The following MDGA2 variants were observed in gnomAD, a reference collection of about 807,000 sequenced individuals.
MDGA2 encodes MAM domain-containing glycosylphosphatidylinositol anchor protein 2.
Under a neutral mutation model 117.8 loss-of-function variants are expected in MDGA2, and 40 were observed. The ratio of observed to expected loss-of-function variants is 0.34; its 90% CI spans 0.26 to 0.44. The LOEUF is 0.44. Ranked by LOEUF, MDGA2 falls within the 20% of genes least tolerant of loss-of-function variation. MDGA2 has a pLI of 1.00. For missense variants in MDGA2, 1,123 were observed against 1,250.6 expected, an observed-to-expected ratio of 0.90 and a Z score of 1.54; for synonymous variants, 452 against 439.0, an observed-to-expected ratio of 1.03 and a Z score of -0.37.
chr14:47,366,848 TTA>T, intron 1 of MDGA2, among the ~76,000 whole-genome samples: 1 of 115,982 alleles, frequency 8.6e-6, no homozygotes, highest in Non-Finnish European at 1.9e-5. Context: ...ACCTTAAAGA[TTA>T]TGTTTGATAC....
intron 3 of MDGA2, among the ~76,000 whole-genome samples, chr14:47,203,753 T>C (rs1198507131): frequency 6.6e-6 from 1 of 151,990 alleles, no homozygotes; most frequent in Non-Finnish European, 1.5e-5. Flanking sequence ...CTAGTTTTGA[T>C]TCAAGAGATC....
At chr14:47,185,593 A>C (rs1254488976) in intron 3 of MDGA2, among the ~76,000 whole-genome samples, 1 of 151,616 alleles carries the variant, frequency 6.6e-6, no homozygotes, top group Non-Finnish European at 1.5e-5. Flanking sequence ...AAACTGTAAA[A>C]AGAAACATGT....
rs1022726663 is a variant in MDGA2 at position 47,207,101 on chromosome 14, T to G, written c.595+10920A>C. On this transcript the variant is annotated intron_variant, in intron 3 of 16. Transcript: ENST00000399232. ...CCTAAGTTTGTCACTGAGTTGTTCA[T>G]TTGGACATAGTTACAGTAAATAATG... Among the ~76,000 whole-genome samples the G allele has an allele frequency of 5.3e-5, 8 of 152,114 alleles. No homozygotes were observed. In the South Asian group the frequency reaches 1.5e-3, roughly 28 times the overall value.
At chr14:47,181,018 G>A (rs1884681901) in intron 3 of MDGA2, among the ~76,000 whole-genome samples, 3 of 152,078 alleles carry the variant, frequency 2.0e-5, no homozygotes, top group Admixed American at 2.0e-4. Context: ...TGGTAGTAGT[G>A]TAAGTAAGTT....
intron 2 of MDGA2, among the ~76,000 whole-genome samples, chr14:47,248,493 G>A (rs1273863868): frequency 6.6e-6 from 1 of 151,464 alleles, no homozygotes; most frequent in Non-Finnish European, 1.5e-5. Context: ...TTTAGACAGG[G>A]CAAAGCTAAA....
At chr14:47,165,643 C>T (rs567633660) in intron 3 of MDGA2, among the ~76,000 whole-genome samples, 2 of 152,298 alleles carry the variant, frequency 1.3e-5, no homozygotes, top group Admixed American at 1.3e-4. Context: ...CCACTCTGAG[C>T]TGCTTATATA....
chr14:47,490,198 A>G (rs1030155496), intron 1 of MDGA2, among the ~76,000 whole-genome samples: 2 of 152,052 alleles, frequency 1.3e-5, no homozygotes, highest in African/African-American at 4.8e-5. Flanking sequence ...TAGCTCATAT[A>G]AAGTATTTTT....
chr14:47,377,404 A>AGG (rs1332146020), intron 1 of MDGA2, among the ~76,000 whole-genome samples: 1 of 152,132 alleles, frequency 6.6e-6, no homozygotes, highest in African/African-American at 2.4e-5. Context: ...GAGCCGAAGC[A>AGG]GGGTGGGGCA....
At chr14:47,134,519 ATTGTGCTTTTAGGT>A (rs1882358228) in intron 4 of MDGA2, among the ~76,000 whole-genome samples, 2 of 151,970 alleles carry the variant, frequency 1.3e-5, no homozygotes, top group African/African-American at 2.4e-5. Context: ...ATTTATCTAG[ATTGTGCTTTTAGGT>A]TTGGAAGGAA....
intron 8 of MDGA2, among the ~76,000 whole-genome samples, chr14:47,026,514 G>T (rs1454649339): frequency 6.6e-6 from 1 of 151,488 alleles, no homozygotes; most frequent in Non-Finnish European, 1.5e-5. Context: ...TATTATTGTT[G>T]GTATATTTAA....
chr14:47,427,874 G>A (rs772501785), intron 1 of MDGA2, among the ~76,000 whole-genome samples: 8 of 152,098 alleles, frequency 5.3e-5, no homozygotes, highest in African/African-American at 1.4e-4. Context: ...GAGATCTATC[G>A]TTTGAACATG....
intron 1 of MDGA2, among the ~76,000 whole-genome samples, chr14:47,336,431 T>A (rs1192384529): frequency 1.3e-5 from 2 of 151,936 alleles, no homozygotes; most frequent in Admixed American, 1.3e-4. Flanking sequence ...ACTGAGAAGA[T>A]ATGTTTAAGA....
intron 1 of MDGA2, among the ~76,000 whole-genome samples, chr14:47,319,702 T>C (rs1336482479): frequency 6.6e-6 from 1 of 152,188 alleles, no homozygotes; most frequent in African/African-American, 2.4e-5. Context: ...CCTTGAATCT[T>C]TTGTTTGTTT....
At chr14:47,076,504 G>A (rs1890496885) in intron 6 of MDGA2, among the ~76,000 whole-genome samples, 1 of 151,592 alleles carries the variant, frequency 6.6e-6, no homozygotes, top group Non-Finnish European at 1.5e-5. Context: ...ATTTTATCAG[G>A]TTACGATGTA....
Position 47,045,753 on chromosome 14 carries a change from T to C in MDGA2, c.1526-10449A>G, listed in dbSNP as rs537175242. The stretch of plus-strand genomic sequence containing the variant: ...GCCAAGGTGGGTGGATCACCTGAGG[T>C]CAGGAGTTTGAGACCAGCCTGGCCA... On this transcript the variant is annotated intron_variant, in intron 7 of 16. Transcript: ENST00000399232. Among the ~76,000 whole-genome samples, 23 of 152,096 alleles carry C rather than the reference T, an allele frequency of 1.5e-4. 1 individual carries two copies. The South Asian group carries it at 4.8e-3, about 32-fold the overall frequency.
intron 1 of MDGA2, among the ~76,000 whole-genome samples, chr14:47,417,298 C>T (rs1199085299): frequency 6.6e-6 from 1 of 152,200 alleles, no homozygotes; most frequent in Non-Finnish European, 1.5e-5. Context: ...AAACATTCTA[C>T]TTTGTCACTC....
At chr14:47,391,739 A>G (rs1344709011) in intron 1 of MDGA2, among the ~76,000 whole-genome samples, 1 of 152,208 alleles carries the variant, frequency 6.6e-6, no homozygotes, top group Non-Finnish European at 1.5e-5. Context: ...CTAATTTTCA[A>G]TGTCAACACC....
In MDGA2 at chr14:47,286,679, G is replaced by A. The variant is rs541774150; in HGVS notation, c.420+14732C>T. Among the ~76,000 whole-genome samples, 8 of 151,676 alleles carry A rather than the reference G, an allele frequency of 5.3e-5. No individual in the cohort carries two copies. In the East Asian group the frequency reaches 1.4e-3, roughly 26 times the overall value. On this transcript the variant is annotated intron_variant, in intron 2 of 16. Coordinates refer to ENST00000399232, the MANE Select transcript of MDGA2 (RefSeq NM_001113498.3). ...TTCTGTATCTTGGCTATTGTGAATGGTGCTGCAATAGATCCCATATATTTT... is the reference window on the plus strand; with the variant it reads ...TTCTGTATCTTGGCTATTGTGAATGATGCTGCAATAGATCCCATATATTTT...
intron 1 of MDGA2, among the ~76,000 whole-genome samples, chr14:47,422,290 G>T (rs538112739): frequency 1.3e-5 from 2 of 152,180 alleles, no homozygotes; most frequent in African/African-American, 4.8e-5. Context: ...TTCCTAGTAA[G>T]TCCTGGGCTT....
Sources: allele counts gnomAD v4.1 joint callset (sites outside exome capture counted in the v4.1 genomes callset), GRCh38; gene constraint gnomAD v4.1.1; transcripts MANE v1.5; gene names NCBI Gene and HGNC (gene_info 2026-07-23, HGNC 2026-07-21).